Variants in PRIM2 observed in about 807,000 individuals in gnomAD.
The protein encoded by PRIM2 is DNA primase subunit 2.
PRIM2 carries 39 observed loss-of-function variants against 67.3 expected under a neutral mutation model. The ratio of observed to expected loss-of-function variants is 0.58; its 90% CI spans 0.45 to 0.76. The LOEUF (loss-of-function observed/expected upper bound fraction) is 0.76, where lower values mean the gene tolerates loss of function less well. Ranked by LOEUF, PRIM2 falls within the 30% of genes least tolerant of loss-of-function variation. The pLI, the probability that PRIM2 is intolerant of heterozygous loss-of-function variation, is 0.00. For missense variants in PRIM2, 398 were observed against 598.7 expected, an observed-to-expected ratio of 0.66 and a Z score of 3.50; for synonymous variants, 143 against 198.7, an observed-to-expected ratio of 0.72 and a Z score of 2.36.
intron 7 of PRIM2, among the ~76,000 whole-genome samples, chr6:57,384,784 G>T (rs1770084800): frequency 6.6e-6 from 1 of 152,148 alleles, no homozygotes; most frequent in Non-Finnish European, 1.5e-5. Flanking sequence ...CACTGAATAT[G>T]AATTAAATGT....
intron 1 of PRIM2, among the ~76,000 whole-genome samples, chr6:57,317,938 C>G (rs1359574651): frequency 2.6e-5 from 4 of 152,074 alleles, no homozygotes; most frequent in Admixed American, 6.5e-5. Context: ...CTTGTGGATG[C>G]TCCCGAAAAG....
chr6:57,581,142 G>T (rs1776077458), intron 10 of PRIM2, among the ~76,000 whole-genome samples: 1 of 152,178 alleles, frequency 6.6e-6, no homozygotes, highest in Non-Finnish European at 1.5e-5. Context: ...TCAGCTAATT[G>T]TGCAGTCTCT....
At chr6:57,611,277 G>A (rs1276113379) in intron 12 of PRIM2, among the ~76,000 whole-genome samples, 1 of 152,088 alleles carries the variant, frequency 6.6e-6, no homozygotes, top group Non-Finnish European at 1.5e-5. Context: ...ACCATATACA[G>A]CAGTACCAGA....
At chr6:57,535,899 TA>T (rs1774992392) in intron 9 of PRIM2, among the ~76,000 whole-genome samples, 1 of 151,798 alleles carries the variant, frequency 6.6e-6, no homozygotes, top group African/African-American at 2.4e-5. Flanking sequence ...AAAAGAAAGG[TA>T]GTTACCAGAT....
At chr6:57,431,964 T>C (rs1409960573) in intron 7 of PRIM2, among the ~76,000 whole-genome samples, 1 of 152,212 alleles carries the variant, frequency 6.6e-6, no homozygotes, top group Admixed American at 6.5e-5. Context: ...TGAAGCAGTC[T>C]TCTTAGATCA....
chr6:57,329,674 C>T (rs763583688), intron 5 of PRIM2, among the ~76,000 whole-genome samples: 2 of 152,132 alleles, frequency 1.3e-5, no homozygotes, highest in African/African-American at 4.8e-5. Context: ...TGAAGAGGTG[C>T]CATCTGCCAT....
At chr6:57,429,395 A>T (rs1771745899) in intron 7 of PRIM2, among the ~76,000 whole-genome samples, 1 of 152,220 alleles carries the variant, frequency 6.6e-6, no homozygotes, top group African/African-American at 2.4e-5. Flanking sequence ...GATTTTCAGT[A>T]AACGGACTTA....
chr6:57,349,712 A>AT (rs34052291), intron 5 of PRIM2, among the ~76,000 whole-genome samples: 36 of 151,372 alleles, frequency 2.4e-4, no homozygotes, highest in African/African-American at 8.5e-4. Context: ...CATATTTCTT[A>AT]TTTTTTTTGT....
chr6:57,322,814 G>A (rs908103479), intron 3 of PRIM2, among the ~76,000 whole-genome samples: 1 of 152,206 alleles, frequency 6.6e-6, no homozygotes, highest in Non-Finnish European at 1.5e-5. Flanking sequence ...TGGGACTGAA[G>A]GATTCTGCCT....
At chr6:57,519,066 G>A (rs1223464720) in intron 8 of PRIM2, among the ~76,000 whole-genome samples, 7 of 152,180 alleles carry the variant, frequency 4.6e-5, no homozygotes, top group Non-Finnish European at 1.5e-5. Flanking sequence ...AAACCAGCAA[G>A]TTTTTATTAG....
intron 7 of PRIM2, among the ~76,000 whole-genome samples, chr6:57,444,533 T>A (rs1478619116): frequency 3.3e-5 from 5 of 151,032 alleles, no homozygotes; most frequent in Non-Finnish European, 5.9e-5. Flanking sequence ...TACCACTGCA[T>A]TCCAGCCTGG....
At chr6:57,539,389 T>C (rs1775086411) in intron 10 of PRIM2, among the ~76,000 whole-genome samples, 1 of 152,204 alleles carries the variant, frequency 6.6e-6, no homozygotes, top group East Asian at 1.9e-4. Flanking sequence ...AATATCTTAA[T>C]GAGTTACATA....
chr6:57,258,079 C>T, the PRIM2 span, among the ~76,000 whole-genome samples: 1 of 151,572 alleles, frequency 6.6e-6, no homozygotes, highest in African/African-American at 2.4e-5. Context: ...CTTTTTTTTC[C>T]AGCACCATTA....
chr6:57,420,293 A>G (rs1771424299), intron 7 of PRIM2, among the ~76,000 whole-genome samples: 2 of 152,100 alleles, frequency 1.3e-5, no homozygotes, highest in South Asian at 2.1e-4. Context: ...TCACGAGGTC[A>G]GGGGTTCAAG....
chr6:57,289,570 C>T, the PRIM2 span, among the ~76,000 whole-genome samples: 3 of 152,094 alleles, frequency 2.0e-5, no homozygotes. Context: ...GTCGGGTTAC[C>T]CACAAAGGGA....
chr6:57,287,211 G>A, the PRIM2 span, among the ~76,000 whole-genome samples: 3 of 152,116 alleles, frequency 2.0e-5, no homozygotes, highest in Non-Finnish European at 2.9e-5. Flanking sequence ...GATTCCTGAA[G>A]GATCTAGAAC....
intron 5 of PRIM2, among the ~76,000 whole-genome samples, chr6:57,362,044 A>C (rs1769217799): frequency 1.3e-5 from 2 of 152,154 alleles, no homozygotes; most frequent in African/African-American, 2.4e-5. Flanking sequence ...TGCCAACTGC[A>C]ACTTTAAATG....
intron 7 of PRIM2, among the ~76,000 whole-genome samples, chr6:57,478,125 T>G (rs2127404587): frequency 6.6e-6 from 1 of 152,328 alleles, no homozygotes; most frequent in South Asian, 2.1e-4. Flanking sequence ...GTAAAGCAGT[T>G]TGTTAATGAT....
the PRIM2 span, among the ~76,000 whole-genome samples, chr6:57,236,363 A>G: frequency 8.4e-6 from 1 of 119,596 alleles, no homozygotes; most frequent in Admixed American, 7.3e-5. Context: ...ATTTGCCTCT[A>G]GCCTCCACCT....
Sources: gnomAD v4.1 joint callset for allele counts (sites outside exome capture counted in the v4.1 genomes callset) on GRCh38, gnomAD v4.1.1 for gene constraint, MANE v1.5 for transcripts, NCBI Gene and HGNC (gene_info 2026-07-23, HGNC 2026-07-21) for gene names.